Variants in MAP2K5 observed in about 807,000 individuals in gnomAD.
MAP2K5 encodes the protein mitogen-activated protein kinase kinase 5, also known as dual specificity mitogen-activated protein kinase kinase 5.
MAP2K5 carries 49 observed loss-of-function variants against 83.1 expected under a neutral mutation model. That is an observed-to-expected ratio of 0.59 (90% CI 0.47 to 0.75). MAP2K5 has a LOEUF of 0.75. MAP2K5 is among the 30% of genes least tolerant of loss of function. The pLI, the probability that MAP2K5 is intolerant of heterozygous loss-of-function variation, is 0.00. For synonymous variants in MAP2K5, 202 were observed against 191.8 expected (o/e 1.05, Z -0.44); for missense variants, 457 against 557.5 (o/e 0.82, Z 1.82).
chr15:67,791,624 A>G (rs906318532), intron 21 of MAP2K5, among the ~76,000 whole-genome samples: 2 of 152,214 alleles, frequency 1.3e-5, no homozygotes, highest in African/African-American at 4.8e-5. Flanking sequence ...GGGAGCTGAC[A>G]TCCAGTGCAA....
chr15:67,548,754 T>A (rs923656872), intron 1 of MAP2K5, among the ~76,000 whole-genome samples: 2 of 152,210 alleles, frequency 1.3e-5, no homozygotes, highest in African/African-American at 4.8e-5. Flanking sequence ...GTAGAAATAA[T>A]TTTTTAACAC....
intron 1 of MAP2K5, among the ~76,000 whole-genome samples, chr15:67,544,285 G>A (rs2084351599): frequency 2.0e-5 from 3 of 152,226 alleles, no homozygotes; most frequent in Admixed American, 2.0e-4. Flanking sequence ...TTATTAAAAT[G>A]AGTCCAGTTT....
At chr15:67,621,572 G>A (rs2086188044) in intron 8 of MAP2K5, among the ~76,000 whole-genome samples, 1 of 151,874 alleles carries the variant, frequency 6.6e-6, no homozygotes, top group African/African-American at 2.4e-5. Flanking sequence ...GGAATAAAAA[G>A]GGAACATAAT....
In MAP2K5 at chr15:67,786,089, C is replaced by T. The variant is rs1238447365; in HGVS notation, c.1242+13337C>T. ...TGTAAACTATGAAGTGCGAGACATA[C>T]ATGGGGCACGAGGTCATTCAGCCTC... is the stretch of plus-strand genomic sequence containing the variant. On this transcript the variant is annotated intron_variant, in intron 21 of 21. Transcript: ENST00000178640. The surrounding 1 kb of genome is among the most constrained non-coding windows in gnomAD (Gnocchi z 4.7). 1.3e-5 allele frequency among the ~76,000 whole-genome samples: 2 copies of T among 151,628 alleles called. No homozygotes were observed. The highest frequency in any genetic ancestry group is 2.9e-5 in the Non-Finnish European group (2 of 67,950).
chr15:67,749,786 A>G lies in MAP2K5; in HGVS notation c.1134+1185A>G, dbSNP rs4776969. Among the ~76,000 whole-genome samples, 149,245 of 152,324 alleles carry G rather than the reference A, an allele frequency of 0.98. 73,193 individuals carry two copies. Among genetic ancestry groups the G allele is most frequent in the East Asian group, 1 (5,182 of 5,182 alleles). On this transcript the variant is annotated intron_variant, in intron 19 of 21. Coordinates refer to ENST00000178640, the MANE Select transcript of MAP2K5 (RefSeq NM_145160.3). The surrounding 1 kb of genome is among the most constrained non-coding windows in gnomAD (Gnocchi z 4.6). ...ATCTAATAGCTCATCAATATCCTCTATTATCTTAGATTCCAAAAGCCTACT... is the reference window on the plus strand; with the variant it reads ...ATCTAATAGCTCATCAATATCCTCTGTTATCTTAGATTCCAAAAGCCTACT...
chr15:67,734,144 C>G (rs1221720941), intron 17 of MAP2K5, among the ~76,000 whole-genome samples: 1 of 152,162 alleles, frequency 6.6e-6, no homozygotes, highest in Non-Finnish European at 1.5e-5. Flanking sequence ...TCATTTAAAA[C>G]CGATTAATTT....
rs1017138014 is a variant in MAP2K5 at position 67,648,540 on chromosome 15, T to C, written c.736+2071T>C. ...TATGAATAATGCTACTCTATATATT[T>C]GTGTACAAGTTTTTGTGTGGACATA... On this transcript the variant is annotated intron_variant, in intron 11 of 21. Transcript: ENST00000178640. Among the ~76,000 whole-genome samples the C allele has an allele frequency of 1.3e-5, 2 of 151,826 alleles. 1 individual carries two copies. Among genetic ancestry groups the C allele is most frequent in the Non-Finnish European group, 2.9e-5 (2 of 67,996 alleles).
At chr15:67,633,641 A>G (rs1466683122) in intron 9 of MAP2K5, among the ~76,000 whole-genome samples, 1 of 152,244 alleles carries the variant, frequency 6.6e-6, no homozygotes, top group African/African-American at 2.4e-5. Flanking sequence ...AGACCTGATC[A>G]TTAAACTGGG....
At position 67,569,018 on chromosome 15, in the gene MAP2K5, AAC is replaced by A. The variant is rs1464576465; in HGVS notation, c.252+5670_252+5671del. Reference sequence around the variant, plus strand: ...AAGACTCCATCTCAAAAAAAAAAAAAACAAAAAAAAAAAACAAAACTCTGTGG... The same window carrying A: ...AAGACTCCATCTCAAAAAAAAAAAAAAAAAAAAAAAAACAAAACTCTGTGG... On this transcript the variant is annotated intron_variant, in intron 3 of 21. Transcript: ENST00000178640. Among the ~76,000 whole-genome samples, 16 of 149,868 alleles carry A rather than the reference AAC, an allele frequency of 1.1e-4. 2 individuals are homozygous for A. Among genetic ancestry groups the A allele is most frequent in the South Asian group, 2.1e-4 (1 of 4,728 alleles).
At chr15:67,804,495 A>G (rs1027164623) in intron 21 of MAP2K5, among the ~76,000 whole-genome samples, 5 of 152,188 alleles carry the variant, frequency 3.3e-5, no homozygotes, top group Non-Finnish European at 5.9e-5. Flanking sequence ...GGAGCTGAGT[A>G]TGGCTGCAGC....
rs1163135119 is a variant in MAP2K5 at position 67,561,857 on chromosome 15, C to G, written c.185-1426C>G. ...ACCAAGCAGGGGGATATCCTTGGAA[C>G]TACAGCCAGACAGGAGGGAAGACCC... is the stretch of plus-strand genomic sequence containing the variant. On this transcript the variant is annotated intron_variant, in intron 2 of 21. Coordinates refer to ENST00000178640, the MANE Select transcript of MAP2K5 (RefSeq NM_145160.3). The surrounding 1 kb of genome is among the most constrained non-coding windows in gnomAD (Gnocchi z 4.2). Among the ~76,000 whole-genome samples, 1 of 152,172 alleles carries G rather than the reference C, an allele frequency of 6.6e-6. No individual in the cohort carries two copies. The highest frequency in any genetic ancestry group is 1.5e-5 in the Non-Finnish European group (1 of 68,030).
At chr15:67,557,250 A>T (rs941736248) in intron 2 of MAP2K5, among the ~76,000 whole-genome samples, 12 of 152,362 alleles carry the variant, frequency 7.9e-5, no homozygotes, top group Non-Finnish European at 1.0e-4. Context: ...TAACTGCTAT[A>T]AAATGACTGT....
At chr15:67,556,436 GAC>G (rs151210048) in intron 2 of MAP2K5, among the ~76,000 whole-genome samples, 4 of 151,858 alleles carry the variant, frequency 2.6e-5, no homozygotes, top group African/African-American at 7.3e-5. Context: ...AATGAGGTTA[GAC>G]ACACACACAC....
At chr15:67,752,513 A>G (rs2089742649) in intron 19 of MAP2K5, among the ~76,000 whole-genome samples, 1 of 151,628 alleles carries the variant, frequency 6.6e-6, no homozygotes, top group African/African-American at 2.4e-5. Flanking sequence ...CCCCATCTCT[A>G]CTAAAAATAC....
At chr15:67,658,717 A>G (rs1337082299) in intron 12 of MAP2K5, 103 bp downstream of exon 12, 3 of 1,025,696 alleles carry the variant, frequency 2.9e-6, no homozygotes, top group Non-Finnish European at 4.5e-6. Flanking sequence ...CTTCAATCCC[A>G]GTTGGCTCCT....
intron 7 of MAP2K5, among the ~76,000 whole-genome samples, chr15:67,599,087 G>A (rs1017883777): frequency 2.0e-5 from 3 of 152,118 alleles, no homozygotes; most frequent in Non-Finnish European, 2.9e-5. Flanking sequence ...GTCACTTTAT[G>A]TGCTACTTTT....
chr15:67,802,318 A>G lies in MAP2K5; in HGVS notation c.1243-4328A>G, dbSNP rs186849708. Among the ~76,000 whole-genome samples the G allele has an allele frequency of 9.8e-4, 150 of 152,322 alleles. No individual in the cohort carries two copies. Among genetic ancestry groups the G allele is most frequent in the African/African-American group, 3.5e-3 (146 of 41,564 alleles). ...GCAACCACAATTCATCTTCATGACTATGATATTTTCACCAATGTCCCTCAT... is the reference window on the plus strand; with the variant it reads ...GCAACCACAATTCATCTTCATGACTGTGATATTTTCACCAATGTCCCTCAT... On this transcript the variant is annotated intron_variant, in intron 21 of 21. Coordinates refer to ENST00000178640, the MANE Select transcript of MAP2K5 (RefSeq NM_145160.3). This position sits in a 1 kb window ranked among gnomAD's most constrained non-coding sequence, Gnocchi z 5.0.
rs1428270512 is a variant in MAP2K5 at position 67,724,644 on chromosome 15, TAA to T, written c.1045-3268_1045-3267del. 2.0e-5 allele frequency among the ~76,000 whole-genome samples: 3 copies of T among 152,176 alleles called. No homozygotes were observed. The highest frequency in any genetic ancestry group is 6.5e-5 in the Admixed American group (1 of 15,270). On this transcript the variant is annotated intron_variant, in intron 16 of 21. Transcript: ENST00000178640. This position sits in a 1 kb window ranked among gnomAD's most constrained non-coding sequence, Gnocchi z 4.4. Reference sequence around the variant, plus strand: ...TTTACCTCCTCCCAATAGAACTTGATAAAAAGAGTTCTAGAGCCTGGCTATAT... The same window carrying T: ...TTTACCTCCTCCCAATAGAACTTGATAAAGAGTTCTAGAGCCTGGCTATAT...
At position 67,807,000 on chromosome 15, in the gene MAP2K5, A is replaced by G; in HGVS notation, c.*250A>G. ...CAGAGAGGTAAAGGGTGGGGCATTG[A>G]GAATGGAGGCTCCCAGGGTCCCTGC... On this transcript the variant is annotated 3_prime_UTR_variant, in exon 22 of 22. Coordinates refer to ENST00000178640, the MANE Select transcript of MAP2K5 (RefSeq NM_145160.3). 3.4e-6 allele frequency: 5 copies of G among 1,461,700 alleles called. No homozygotes were observed. Among genetic ancestry groups the G allele is most frequent in the Non-Finnish European group, 4.5e-6 (5 of 1,103,590 alleles). 90.5% of individuals were successfully genotyped at this position (1,461,700 alleles called of 1,614,324 possible).
Sources: allele counts gnomAD v4.1 joint callset (sites outside exome capture counted in the v4.1 genomes callset), GRCh38; gene constraint gnomAD v4.1.1; non-coding constraint Gnocchi (gnomAD v3.1); transcripts MANE v1.5; gene names NCBI Gene and HGNC (gene_info 2026-07-23, HGNC 2026-07-21).